SLCO2A1: variants seen among roughly 807,000 people sequenced by gnomAD.
The protein encoded by SLCO2A1 is matrin F/G 1.
SLCO2A1 carries 60 observed loss-of-function variants against 71.7 expected under a neutral mutation model. The observed-to-expected ratio is 0.84, with a 90% CI of 0.68 to 1.04. SLCO2A1 has a LOEUF of 1.04. Among genes scored for constraint, SLCO2A1 ranks in the 50% least tolerant of loss-of-function variants. SLCO2A1 has a pLI of 0.00. For missense variants in SLCO2A1, 745 were observed against 813.4 expected (o/e 0.92, Z 1.02); for synonymous variants, 308 against 326.7 (o/e 0.94, Z 0.62).
At position 134,029,731 on chromosome 3, in the gene SLCO2A1, G is replaced by A. The variant is rs1439643317; in HGVS notation, c.72C>T (p.Ala24=). 4 of 1,590,086 alleles carry A rather than the reference G, an allele frequency of 2.5e-6. No individual in the cohort carries two copies. The highest frequency in any genetic ancestry group is 3.4e-6 in the Non-Finnish European group (4 of 1,172,222). The change falls in exon 1 of 14, where the codon GCC becomes GCT. Residue 24 remains alanine, a synonymous_variant. Coordinates refer to ENST00000310926, the MANE Select transcript of SLCO2A1 (RefSeq NM_005630.3). ...DTSTSRAGRC[A]RSVFGNIKVF... is the part of the protein sequence containing the mutation. ...CCTTAATGTTGCCGAAGACCGAGCG[G>A]GCACAGCGGCCGGCTCGGCTAGTAG... is the stretch of plus-strand genomic sequence containing the variant.
intron 6 of SLCO2A1, chr3:133,949,291 C>G (rs1156562095): frequency 6.3e-6 from 2 of 317,744 alleles, no homozygotes; most frequent in Non-Finnish European, 1.2e-5. Flanking sequence ...CCCCTCACCC[C>G]CATCTGTCAT....
chr3:133,937,565 G>A (rs374186861), intron 12 of SLCO2A1, among the ~76,000 whole-genome samples: 75 of 152,326 alleles, frequency 4.9e-4, no homozygotes, highest in African/African-American at 1.7e-3. Context: ...CCTGGCCCCT[G>A]GGTAATGAGG....
At chr3:133,975,318 G>A (rs1049909609) in intron 2 of SLCO2A1, among the ~76,000 whole-genome samples, 4 of 152,006 alleles carry the variant, frequency 2.6e-5, no homozygotes, top group East Asian at 1.9e-4. Flanking sequence ...CAAAACATTC[G>A]AACATCATCT....
At chr3:133,935,203 A>G (rs1933237952) in intron 13 of SLCO2A1, among the ~76,000 whole-genome samples, 1 of 151,332 alleles carries the variant, frequency 6.6e-6, no homozygotes, top group Admixed American at 6.6e-5. Flanking sequence ...CTTCTCTGCC[A>G]CTCCCATACC....
At chr3:133,959,561 G>A (rs1421662186) in intron 3 of SLCO2A1, among the ~76,000 whole-genome samples, 9 of 152,206 alleles carry the variant, frequency 5.9e-5, no homozygotes, top group Middle Eastern at 3.4e-3. Context: ...GTGACGGCGC[G>A]CACCTGTAAT....
intron 1 of SLCO2A1, among the ~76,000 whole-genome samples, chr3:133,994,858 G>A (rs748577987): frequency 4.6e-5 from 7 of 151,996 alleles, no homozygotes; most frequent in Non-Finnish European, 1.0e-4. Context: ...CACTCTGCAC[G>A]CTCCACCTGC....
chr3:133,978,947 T>C (rs1372704984), intron 2 of SLCO2A1, among the ~76,000 whole-genome samples: 3 of 152,136 alleles, frequency 2.0e-5, no homozygotes, highest in African/African-American at 4.8e-5. Context: ...CTCTGATCTC[T>C]TCAGGGAGTC....
chr3:134,011,675 C>G (rs1160480794), intron 1 of SLCO2A1, among the ~76,000 whole-genome samples: 2 of 152,214 alleles, frequency 1.3e-5, no homozygotes, highest in African/African-American at 4.8e-5. Context: ...TTCCCACTAG[C>G]ACTGGGTGAG....
intron 1 of SLCO2A1, among the ~76,000 whole-genome samples, chr3:133,997,829 T>A (rs1007829282): frequency 2.0e-5 from 3 of 152,228 alleles, no homozygotes; most frequent in South Asian, 4.1e-4. Flanking sequence ...TGAATTTGAT[T>A]CTTGACTTTG....
chr3:133,936,630 G>C (rs1374471202), intron 12 of SLCO2A1, among the ~76,000 whole-genome samples: 1 of 152,140 alleles, frequency 6.6e-6, no homozygotes, highest in African/African-American at 2.4e-5. Flanking sequence ...ACTGCGGAGG[G>C]CTTGTCCAGG....
chr3:133,940,466 C>T (rs1933389956), intron 11 of SLCO2A1, among the ~76,000 whole-genome samples: 1 of 152,180 alleles, frequency 6.6e-6, no homozygotes, highest in Admixed American at 6.5e-5. Flanking sequence ...TCTTCACGAC[C>T]TCCTTGTACC....
chr3:133,951,101 C>G (rs746551689), intron 6 of SLCO2A1, 107 bp downstream of exon 6: 124 of 1,458,706 alleles, frequency 8.5e-5, no homozygotes, highest in Non-Finnish European at 9.9e-5. Flanking sequence ...TAGATTTCAC[C>G]CTGAATTTGC....
intron 10 of SLCO2A1, 106 bp from the exon 11 acceptor site, chr3:133,942,874 T>TC: frequency 8.2e-7 from 1 of 1,212,942 alleles, no homozygotes; most frequent in Non-Finnish European, 1.1e-6. Flanking sequence ...GTTTCAACCC[T>TC]TGTGTCCTCT....
rs748040332 is a variant in SLCO2A1, at chr3:133,953,661, AC to A, written c.724+1del. ...GAATGGGTGTCCTCTGCACATACTC[AC>A]CTGTGTTGACCCTGCCATAGTCCAC... On this transcript the variant is annotated splice_donor_variant, in intron 5 of 13. Coordinates refer to ENST00000310926, the MANE Select transcript of SLCO2A1 (RefSeq NM_005630.3). LOFTEE classifies it high-confidence loss of function. The A allele has an allele frequency of 6.2e-7, 1 of 1,612,980 alleles. No individual in the cohort carries two copies. The highest frequency in any genetic ancestry group is 8.5e-7 in the Non-Finnish European group (1 of 1,179,140).
intron 1 of SLCO2A1, among the ~76,000 whole-genome samples, chr3:134,003,675 A>T (rs1935146829): frequency 6.6e-6 from 1 of 152,188 alleles, no homozygotes; most frequent in South Asian, 2.1e-4. Context: ...ATTCTGTCCT[A>T]TACCTGTCTT....
intron 6 of SLCO2A1, 163 bp downstream of exon 6, chr3:133,951,045 C>T: frequency 3.3e-6 from 3 of 902,796 alleles, no homozygotes; most frequent in Non-Finnish European, 3.6e-6. Context: ...CACCAACACC[C>T]TCACCTCTTA....
intron 1 of SLCO2A1, among the ~76,000 whole-genome samples, chr3:133,980,954 G>A (rs562593050): frequency 1.3e-5 from 2 of 152,350 alleles, no homozygotes; most frequent in South Asian, 4.1e-4. Flanking sequence ...CTGTCTGGGG[G>A]CATGGTGGCA....
chr3:133,967,729 C>A (rs1477399789), intron 3 of SLCO2A1, among the ~76,000 whole-genome samples: 2 of 151,690 alleles, frequency 1.3e-5, no homozygotes, highest in South Asian at 4.2e-4. Flanking sequence ...AATACATACA[C>A]CCTTTCTCCT....
At chr3:133,998,098 T>A (rs910920809) in intron 1 of SLCO2A1, among the ~76,000 whole-genome samples, 1 of 152,158 alleles carries the variant, frequency 6.6e-6, no homozygotes, top group African/African-American at 2.4e-5. Flanking sequence ...GGTGCACAGC[T>A]GCAGCAGGAG....
Sources: allele counts gnomAD v4.1 joint callset (sites outside exome capture counted in the v4.1 genomes callset), GRCh38; gene constraint gnomAD v4.1.1; transcripts MANE v1.5; gene names NCBI Gene and HGNC (gene_info 2026-07-23, HGNC 2026-07-21).